Variants in MAD1L1 observed in about 807,000 individuals in gnomAD.
The protein encoded by MAD1L1 is mitotic arrest deficient 1 like 1, also known as mitotic spindle assembly checkpoint protein MAD1.
A neutral mutation model predicts 96.9 loss-of-function variants in MAD1L1; 95 were observed. The observed-to-expected ratio is 0.98, with a 90% CI of 0.83 to 1.16. The LOEUF is 1.16. Among genes scored for constraint, MAD1L1 ranks in the 50% most tolerant of loss-of-function variants. The probability of loss-of-function intolerance (pLI) is 0.00; values close to 1 mark genes in which losing one functional copy is unlikely to be tolerated. For synonymous variants in MAD1L1, 473 were observed against 396.6 expected (o/e 1.19, Z -2.29); for missense variants, 1,007 against 954.4 (o/e 1.06, Z -0.73).
At chr7:2,006,289 T>C (rs1782026372) in intron 13 of MAD1L1, among the ~76,000 whole-genome samples, 1 of 151,560 alleles carries the variant, frequency 6.6e-6, no homozygotes, top group Non-Finnish European at 1.5e-5. Context: ...CAAAAAAGAA[T>C]GTTTTACATG....
At chr7:1,934,576 C>G (rs185729723) in intron 17 of MAD1L1, among the ~76,000 whole-genome samples, 1 of 150,530 alleles carries the variant, frequency 6.6e-6, no homozygotes, top group African/African-American at 2.5e-5. Flanking sequence ...AACAAACACA[C>G]GAGCGAACCC....
At chr7:2,145,820 G>A (rs1412574290) in intron 11 of MAD1L1, among the ~76,000 whole-genome samples, 1 of 152,186 alleles carries the variant, frequency 6.6e-6, no homozygotes, top group African/African-American at 2.4e-5. Flanking sequence ...GAGAAACTGA[G>A]GCAAACTTTA....
At chr7:2,072,813 C>T (rs1325166354) in intron 11 of MAD1L1, among the ~76,000 whole-genome samples, 2 of 152,248 alleles carry the variant, frequency 1.3e-5, no homozygotes, top group Admixed American at 6.5e-5. Context: ...CACAGGATGG[C>T]TGGGCAGCCT....
At chr7:1,938,487 A>G (rs1778728750) in intron 16 of MAD1L1, among the ~76,000 whole-genome samples, 1 of 152,230 alleles carries the variant, frequency 6.6e-6, no homozygotes, top group African/African-American at 2.4e-5. Flanking sequence ...AGGCACCCAC[A>G]GAGCAGGAGG....
intron 15 of MAD1L1, among the ~76,000 whole-genome samples, chr7:1,974,029 C>A (rs1025165179): frequency 1.3e-5 from 2 of 152,210 alleles, no homozygotes; most frequent in African/African-American, 4.8e-5. Context: ...GAGTGAAGGG[C>A]AGGAGCCTGC....
intron 18 of MAD1L1, among the ~76,000 whole-genome samples, chr7:1,882,753 C>A (rs546550779): frequency 7.2e-5 from 11 of 152,348 alleles, no homozygotes; most frequent in Non-Finnish European, 1.2e-4. Context: ...CCTCGCCCCC[C>A]TTCCCACCGC....
At chr7:1,849,071 C>CATGG (rs1562454277) in intron 18 of MAD1L1, 1 of 150,022 alleles carries the variant, frequency 6.7e-6, no homozygotes, top group Non-Finnish European at 1.5e-5. Context: ...CACACACACA[C>CATGG]ACAAATGCAC....
intron 15 of MAD1L1, 80 bp downstream of exon 15, chr7:1,980,373 C>T (rs1430969071): frequency 2.5e-5 from 29 of 1,157,132 alleles, no homozygotes; most frequent in East Asian, 3.1e-5. Flanking sequence ...CCTCCTCCCC[C>T]GCAGGACACA....
intron 18 of MAD1L1, among the ~76,000 whole-genome samples, chr7:1,881,756 G>A (rs962645292): frequency 1.2e-4 from 18 of 152,242 alleles, no homozygotes; most frequent in Non-Finnish European, 2.2e-4. Flanking sequence ...GAAGATGTGG[G>A]GAGGCAGAGG....
chr7:2,177,213 C>T (rs936804308), intron 10 of MAD1L1, among the ~76,000 whole-genome samples: 7 of 152,196 alleles, frequency 4.6e-5, no homozygotes, highest in African/African-American at 1.4e-4. Flanking sequence ...GTGTTACAGC[C>T]ACAATTTCAA....
At chr7:2,190,690 T>A (rs1791677066) in intron 10 of MAD1L1, among the ~76,000 whole-genome samples, 1 of 152,118 alleles carries the variant, frequency 6.6e-6, no homozygotes, top group Non-Finnish European at 1.5e-5. Context: ...TCAAGTTAAG[T>A]ACATGAGTAG....
At chr7:2,163,059 C>T (rs1020169210) in intron 10 of MAD1L1, among the ~76,000 whole-genome samples, 1 of 152,138 alleles carries the variant, frequency 6.6e-6, no homozygotes. Context: ...AAGCATTCAG[C>T]TTTGTCTTCA....
intron 18 of MAD1L1, chr7:1,838,440 A>C: frequency 3.9e-6 from 1 of 253,780 alleles, no homozygotes; most frequent in African/African-American, 2.2e-5. Context: ...ATGTTCTATC[A>C]ACGGATGAAC....
intron 9 of MAD1L1, 101 bp from the exon 10 acceptor site, chr7:2,213,374 G>A (rs2114988460): frequency 9.1e-7 from 1 of 1,097,212 alleles, no homozygotes. Context: ...TGACCTCTCA[G>A]GAGAGCCTGC....
chr7:1,954,146 G>A (rs1212910062), intron 16 of MAD1L1, among the ~76,000 whole-genome samples: 1 of 152,214 alleles, frequency 6.6e-6, no homozygotes, highest in African/African-American at 2.4e-5. Context: ...ACGTCCAAGT[G>A]TCTTGGAGGT....
intron 18 of MAD1L1, among the ~76,000 whole-genome samples, chr7:1,883,540 G>A (rs1785818648): frequency 6.6e-6 from 1 of 152,208 alleles, no homozygotes; most frequent in Non-Finnish European, 1.5e-5. Context: ...GTGTCCCGGA[G>A]ACCCTCGCTG....
chr7:1,986,871 C>T (rs530530918), intron 14 of MAD1L1, among the ~76,000 whole-genome samples: 1 of 152,070 alleles, frequency 6.6e-6, no homozygotes, highest in Non-Finnish European at 1.5e-5. Context: ...CAACTGTATT[C>T]TCAGAGTAGC....
chr7:1,874,553 A>G, intron 18 of MAD1L1: 1 of 455,030 alleles, frequency 2.2e-6, no homozygotes, highest in Admixed American at 2.4e-5. Context: ...TCCTTAAAAA[A>G]AAAAATAAAA....
chr7:2,071,814 G>A (rs1785143982), intron 11 of MAD1L1, among the ~76,000 whole-genome samples: 1 of 151,982 alleles, frequency 6.6e-6, no homozygotes. Context: ...AGAGCTAGGA[G>A]AGCTTCCACT....
Sources: gnomAD v4.1 joint callset for allele counts (sites outside exome capture counted in the v4.1 genomes callset) on GRCh38, gnomAD v4.1.1 for gene constraint, MANE v1.5 for transcripts, NCBI Gene and HGNC (gene_info 2026-07-23, HGNC 2026-07-21) for gene names.